The following ASCC2 variants were observed in gnomAD, a reference collection of about 807,000 sequenced individuals.
ASCC2 encodes ASC-1 complex subunit P100.
Under a neutral mutation model 93.5 loss-of-function variants are expected in ASCC2, and 42 were observed. The ratio of observed to expected loss-of-function variants is 0.45; its 90% CI spans 0.35 to 0.58. ASCC2 has a LOEUF of 0.58. Among genes scored for constraint, ASCC2 ranks in the 20% least tolerant of loss-of-function variants. The pLI, the probability that ASCC2 is intolerant of heterozygous loss-of-function variation, is 0.00. For missense variants in ASCC2, 859 were observed against 977.6 expected (o/e 0.88, Z 1.62); for synonymous variants, 364 against 384.2 (o/e 0.95, Z 0.62).
chr22:29,825,557 C>A lies in ASCC2; in HGVS notation c.240+65G>T. On this transcript the variant is annotated intron_variant, in intron 3 of 19. Transcript: ENST00000307790. This position sits in a 1 kb window ranked among gnomAD's most constrained non-coding sequence, Gnocchi z 4.9. ...GCACCTCCTAGGGGAAGAAAAACAA[C>A]AACAGCAACCAACCAATGGCATGTC... is the stretch of plus-strand genomic sequence containing the variant. The A allele has an allele frequency of 6.2e-7, 1 of 1,609,538 alleles. No homozygotes were observed. Among genetic ancestry groups the A allele is most frequent in the Non-Finnish European group, 8.5e-7 (1 of 1,176,148 alleles).
intron 8 of ASCC2, chr22:29,809,772 G>A (rs1228970945): frequency 1.3e-5 from 2 of 150,702 alleles, no homozygotes; most frequent in African/African-American, 4.9e-5. Context: ...GAGTAAGACT[G>A]TCTCAAAAAA....
chr22:29,792,370 C>T, intron 18 of ASCC2, 63 bp downstream of exon 18: 1 of 1,597,870 alleles, frequency 6.3e-7, no homozygotes, highest in South Asian at 1.1e-5. Context: ...GGGTGAGGGG[C>T]CCTTCTGATT....
intron 9 of ASCC2, 32 bp downstream of exon 9, chr22:29,808,079 C>A (rs1569392906): frequency 6.2e-7 from 1 of 1,611,388 alleles, no homozygotes; most frequent in East Asian, 2.2e-5. Flanking sequence ...CTCTGTCCCA[C>A]AACAACATTC....
Position 29,806,201 on chromosome 22 carries a change from A to G in ASCC2, c.1160+15T>C. 1 of 1,613,072 alleles carries G rather than the reference A, an allele frequency of 6.2e-7. No individual in the cohort carries two copies. The highest frequency in any genetic ancestry group is 8.5e-7 in the Non-Finnish European group (1 of 1,179,106). On this transcript the variant is annotated intron_variant, in intron 12 of 19. Transcript: ENST00000307790. ...AAGCTGGGCCCTGTCGTAGTGGGCTATGGTAGAAGGATACAAGACTGATGA... is the reference window on the plus strand; with the variant it reads ...AAGCTGGGCCCTGTCGTAGTGGGCTGTGGTAGAAGGATACAAGACTGATGA...
chr22:29,814,248 T>C (rs1416670281), intron 7 of ASCC2, among the ~76,000 whole-genome samples: 1 of 152,226 alleles, frequency 6.6e-6, no homozygotes, highest in Non-Finnish European at 1.5e-5. Context: ...CTAAATTCCA[T>C]GAGCGCAGGG....
rs2059673830 is a variant in ASCC2, at chr22:29,806,345, G to C, written c.1086-55C>G. On this transcript the variant is annotated intron_variant, in intron 11 of 19. Transcript: ENST00000307790. ...ACAGAGCTGGGGCCACAGGAATGCT[G>C]TGCTGCTGCAGGCCACTCCCTGTGT... 6 of 1,592,916 alleles carry C rather than the reference G, an allele frequency of 3.8e-6. No homozygotes were observed. The African/African-American group carries it at 6.7e-5, about 18-fold the overall frequency.
At chr22:29,815,010 C>T (rs1471495955) in intron 6 of ASCC2, among the ~76,000 whole-genome samples, 1 of 152,180 alleles carries the variant, frequency 6.6e-6, no homozygotes, top group Non-Finnish European at 1.5e-5. Context: ...AAAAGACAAC[C>T]TGGGGCCAGG....
chr22:29,822,482 G>T lies in ASCC2; in HGVS notation c.412-18C>A, dbSNP rs1413327321. The T allele has an allele frequency of 1.9e-6, 3 of 1,612,792 alleles. No individual in the cohort carries two copies. The African/African-American group carries it at 4.0e-5, about 22-fold the overall frequency. The stretch of plus-strand genomic sequence containing the variant: ...AAGTGATCCTAAGGAAAAATGCAGA[G>T]AGAAAGGATAGAGATTTTCTGAACA... On this transcript the variant is annotated intron_variant, in intron 4 of 19. Coordinates refer to ENST00000307790, the MANE Select transcript of ASCC2 (RefSeq NM_032204.5).
chr22:29,808,220 G>A, intron 8 of ASCC2, 35 bp from the exon 9 acceptor site: 1 of 1,597,812 alleles, frequency 6.3e-7, no homozygotes, highest in East Asian at 2.2e-5. Context: ...TGTTGGATTA[G>A]TTCATAAATA....
In ASCC2 at chr22:29,791,679, C is replaced by T. The variant is rs376182618; in HGVS notation, c.2022+754G>A. On this transcript the variant is annotated intron_variant, in intron 18 of 19. Transcript: ENST00000307790. Reference sequence around the variant, plus strand: ...CTGGATGACGAGAGTGGGACGCCATCTCCAAAACAACAACAACAACAACAA... The same window carrying T: ...CTGGATGACGAGAGTGGGACGCCATTTCCAAAACAACAACAACAACAACAA... Among the ~76,000 whole-genome samples, 172 of 152,242 alleles carry T rather than the reference C, an allele frequency of 1.1e-3. 1 individual carries two copies. The highest frequency in any genetic ancestry group is 3.1e-3 in the South Asian group (15 of 4,816).
rs567202603 is a variant in ASCC2, at chr22:29,815,831, C to T, written c.609+175G>A. 3.0e-4 allele frequency among the ~76,000 whole-genome samples: 46 copies of T among 152,236 alleles called. 2 individuals carry two copies. Among genetic ancestry groups the T allele is most frequent in the Admixed American group, 2.9e-3 (45 of 15,290 alleles). The stretch of plus-strand genomic sequence containing the variant: ...AAGTCTTGTTCAAAAGGGAAAACGG[C>T]AAATTTAAAGAGGTGTAGTCAGGGG... On this transcript the variant is annotated intron_variant, in intron 6 of 19. Coordinates refer to ENST00000307790, the MANE Select transcript of ASCC2 (RefSeq NM_032204.5).
chr22:29,795,347 CT>C (rs1857381996), intron 15 of ASCC2, among the ~76,000 whole-genome samples: 1 of 152,154 alleles, frequency 6.6e-6, no homozygotes, highest in African/African-American at 2.4e-5. Context: ...CAGGTGTGAG[CT>C]ACTGTGCCCA....
intron 6 of ASCC2, 68 bp from the exon 7 acceptor site, chr22:29,814,835 A>AG: frequency 2.3e-6 from 3 of 1,317,162 alleles, no homozygotes; most frequent in Non-Finnish European, 3.2e-6. Flanking sequence ...GGCAGCAGCC[A>AG]GGGTCAGGTG....
intron 1 of ASCC2, chr22:29,833,736 G>C: frequency 5.0e-6 from 2 of 403,486 alleles, no homozygotes; most frequent in Non-Finnish European, 5.0e-6. Flanking sequence ...AGAGACAGAG[G>C]CTGGGGTGAT....
intron 5 of ASCC2, among the ~76,000 whole-genome samples, chr22:29,818,378 TC>T (rs1318831703): frequency 3.4e-5 from 3 of 86,982 alleles, no homozygotes; most frequent in Admixed American, 1.1e-4. Context: ...AAACTGCAGG[TC>T]CCTTCTCTGC....
In ASCC2 at chr22:29,825,782, TACGGATCCAAAAACCACGTGTTAACGTG is replaced by T. The variant is rs781664969; in HGVS notation, c.82-30_82-3del. 1 of 1,602,162 alleles carries T rather than the reference TACGGATCCAAAAACCACGTGTTAACGTG, an allele frequency of 6.2e-7. No individual in the cohort carries two copies. The highest frequency in any genetic ancestry group is 1.7e-5 in the Admixed American group (1 of 59,080). Reference sequence around the variant, plus strand: ...CCGGTCTGCCTTCTGCTCGGGGTGCTACGGATCCAAAAACCACGTGTTAACGTGGCAGAGGTTAGTCAGCGAGGGCCCA... The same window carrying T: ...CCGGTCTGCCTTCTGCTCGGGGTGCTGCAGAGGTTAGTCAGCGAGGGCCCA... On this transcript the variant is annotated splice_region_variant and splice_polypyrimidine_tract_variant and intron_variant, in intron 2 of 19. Coordinates refer to ENST00000307790, the MANE Select transcript of ASCC2 (RefSeq NM_032204.5). The surrounding 1 kb of genome is among the most constrained non-coding windows in gnomAD (Gnocchi z 4.9).
rs776848124 is a variant in ASCC2 at position 29,804,793 on chromosome 22, C to T, written c.1198G>A (p.Glu400Lys). 6 of 1,614,162 alleles carry T rather than the reference C, an allele frequency of 3.7e-6. No individual in the cohort carries two copies. Among genetic ancestry groups the T allele is most frequent in the Non-Finnish European group, 3.4e-6 (4 of 1,180,022 alleles). Residue 400 changes from glutamate to lysine, a missense_variant, in exon 13 of 20, where the codon GAG becomes AAG. Physicochemically the swap from Glu to Lys is moderately conservative, Grantham distance 56. Coordinates refer to ENST00000307790, the MANE Select transcript of ASCC2 (RefSeq NM_032204.5). Reference protein sequence around the residue: ...TRTAYILQAVESAWEGVDRRK... With the variant: ...TRTAYILQAVKSAWEGVDRRK... ...CTGTCCACCCCTTCCCATGCACTCT[C>T]GACTGCCTGGAGGATGTAGGCAGTC...
At position 29,789,007 on chromosome 22, in the gene ASCC2, C is replaced by G. The variant is rs2068496682; in HGVS notation, c.*6G>C. The G allele has an allele frequency of 6.2e-7, 1 of 1,614,136 alleles. No homozygotes were observed. Among genetic ancestry groups the G allele is most frequent in the East Asian group, 2.2e-5 (1 of 44,882 alleles). On this transcript the variant is annotated 3_prime_UTR_variant, in exon 20 of 20. Transcript: ENST00000307790. ...CGCTGCCTCCCCACTGGCCCTGCAC[C>G]AGGTCTCAGGATGGGATCATGCCTT...
At chr22:29,830,876 C>T (rs2063056737) in intron 2 of ASCC2, among the ~76,000 whole-genome samples, 1 of 152,224 alleles carries the variant, frequency 6.6e-6, no homozygotes, top group South Asian at 2.1e-4. Flanking sequence ...CAGGCCATCG[C>T]TCTCACAATG....
Sources: allele counts gnomAD v4.1 joint callset (sites outside exome capture counted in the v4.1 genomes callset), GRCh38; gene constraint gnomAD v4.1.1; non-coding constraint Gnocchi (gnomAD v3.1); transcripts MANE v1.5; gene names NCBI Gene and HGNC (gene_info 2026-07-23, HGNC 2026-07-21).